The following TRPC6 variants were observed in gnomAD, a reference collection of about 807,000 sequenced individuals.
TRPC6 encodes transient receptor potential cation channel subfamily C member 6.
In TRPC6, 55 loss-of-function variants were observed where a neutral mutation model predicts 90.7. The ratio of observed to expected loss-of-function variants is 0.61; its 90% CI spans 0.49 to 0.76. The LOEUF is 0.76. Among genes scored for constraint, TRPC6 ranks in the 30% least tolerant of loss-of-function variants. The probability of loss-of-function intolerance (pLI) is 0.00; values close to 1 mark genes in which losing one functional copy is unlikely to be tolerated. For synonymous variants in TRPC6, 393 were observed against 393.0 expected (o/e 1.00, Z 0.00); for missense variants, 989 against 1,122.7 (o/e 0.88, Z 1.70).
chr11:101,510,563 T>C (rs771476960), intron 1 of TRPC6, among the ~76,000 whole-genome samples: 2 of 152,200 alleles, frequency 1.3e-5, no homozygotes, highest in Non-Finnish European at 2.9e-5. Flanking sequence ...CATTTTCATG[T>C]CTGTATTTTT....
At chr11:101,483,754 G>A (rs1195231109) in intron 4 of TRPC6, among the ~76,000 whole-genome samples, 1 of 152,178 alleles carries the variant, frequency 6.6e-6, no homozygotes, top group East Asian at 1.9e-4. Flanking sequence ...AAGGACACTG[G>A]ATTTAAAGTC....
chr11:101,580,926 A>G (rs981857398), intron 1 of TRPC6, among the ~76,000 whole-genome samples: 3 of 152,206 alleles, frequency 2.0e-5, no homozygotes, highest in Non-Finnish European at 4.4e-5. Flanking sequence ...GCTCTTTCTC[A>G]TACATCATAG....
chr11:101,500,065 GTATA>G (rs71056617), intron 2 of TRPC6, among the ~76,000 whole-genome samples: 4 of 43,312 alleles, frequency 9.2e-5, no homozygotes, highest in South Asian at 1.0e-3. Context: ...ATGTGTGTGT[GTATA>G]TATATATATA....
intron 1 of TRPC6, among the ~76,000 whole-genome samples, chr11:101,507,489 A>G (rs1318897576): frequency 6.6e-6 from 1 of 151,938 alleles, no homozygotes; most frequent in Admixed American, 6.6e-5. Flanking sequence ...ATCTTCTTTT[A>G]TCTGAGTTGA....
At chr11:101,471,657 CTGAAAAATGCTA>C (rs1307917674) in intron 8 of TRPC6, among the ~76,000 whole-genome samples, 2 of 152,110 alleles carry the variant, frequency 1.3e-5, no homozygotes, top group African/African-American at 4.8e-5. Flanking sequence ...TTCCTACTTT[CTGAAAAATGCTA>C]TGAAAAATTA....
chr11:101,501,983 T>C (rs1860138155), intron 2 of TRPC6, among the ~76,000 whole-genome samples: 1 of 152,194 alleles, frequency 6.6e-6, no homozygotes, highest in Non-Finnish European at 1.5e-5. Context: ...GAAACCTTCA[T>C]AGAGGCAGGG....
chr11:101,473,874 G>C, intron 6 of TRPC6, 101 bp from the exon 7 acceptor site: 3 of 1,540,842 alleles, frequency 1.9e-6, no homozygotes, highest in Middle Eastern at 2.3e-4. Context: ...TTAGAATCCG[G>C]TTTTCGAATG....
At chr11:101,508,373 G>C (rs1249232390) in intron 1 of TRPC6, among the ~76,000 whole-genome samples, 2 of 152,048 alleles carry the variant, frequency 1.3e-5, no homozygotes, top group East Asian at 3.8e-4. Flanking sequence ...TGTTGGTTTT[G>C]GCAAAAGGTG....
At chr11:101,458,687 G>C (rs185657097) in intron 10 of TRPC6, among the ~76,000 whole-genome samples, 3 of 152,326 alleles carry the variant, frequency 2.0e-5, no homozygotes, top group Non-Finnish European at 4.4e-5. Context: ...GACCTTTAGA[G>C]TTAAAGGATA....
At chr11:101,454,789 C>A (rs1858846278) in intron 11 of TRPC6, among the ~76,000 whole-genome samples, 1 of 151,640 alleles carries the variant, frequency 6.6e-6, no homozygotes, top group Non-Finnish European at 1.5e-5. Context: ...TGAACACTCT[C>A]TTTTTTAATG....
chr11:101,563,639 T>G (rs1311026935), intron 1 of TRPC6, among the ~76,000 whole-genome samples: 1 of 151,998 alleles, frequency 6.6e-6, no homozygotes, highest in Non-Finnish European at 1.5e-5. Context: ...TAAAAGTCAG[T>G]ATGAATGGAG....
At chr11:101,471,768 C>T (rs1591066880) in intron 8 of TRPC6, among the ~76,000 whole-genome samples, 1 of 152,152 alleles carries the variant, frequency 6.6e-6, no homozygotes, top group Admixed American at 6.5e-5. Context: ...TTAATCTCAA[C>T]TTGAGAAAAG....
intron 10 of TRPC6, among the ~76,000 whole-genome samples, chr11:101,462,045 G>A (rs1418404686): frequency 6.6e-6 from 1 of 152,200 alleles, no homozygotes; most frequent in Admixed American, 6.5e-5. Flanking sequence ...TGGCTAGCCA[G>A]TTTTCCCATC....
chr11:101,509,131 TTTTTC>T (rs1410648544), intron 1 of TRPC6, among the ~76,000 whole-genome samples: 1 of 137,498 alleles, frequency 7.3e-6, no homozygotes, highest in Non-Finnish European at 1.6e-5. Context: ...TTGTTTTGTC[TTTTTC>T]TTTTTTTTTT....
chr11:101,481,499 T>TA (rs1859550108), intron 5 of TRPC6, among the ~76,000 whole-genome samples: 2 of 67,516 alleles, frequency 3.0e-5, no homozygotes, highest in Non-Finnish European at 7.8e-5. Flanking sequence ...AGTCATAACC[T>TA]AAACTTTAAT....
chr11:101,501,565 T>C (rs1425333884), intron 2 of TRPC6, among the ~76,000 whole-genome samples: 1 of 152,036 alleles, frequency 6.6e-6, no homozygotes. Context: ...CCAGTAGCCA[T>C]GGGTGGTGGG....
At chr11:101,503,804 T>C (rs1860188729) in intron 2 of TRPC6, among the ~76,000 whole-genome samples, 1 of 152,198 alleles carries the variant, frequency 6.6e-6, no homozygotes, top group African/African-American at 2.4e-5. Flanking sequence ...AAAGATTAGA[T>C]ATAATAAATG....
intron 1 of TRPC6, among the ~76,000 whole-genome samples, chr11:101,516,512 T>A (rs1274958820): frequency 2.6e-5 from 4 of 152,204 alleles, no homozygotes; most frequent in Non-Finnish European, 5.9e-5. Context: ...CACTCTCTTA[T>A]TTTTTATAGC....
chr11:101,489,216 A>G (rs1859747439), intron 3 of TRPC6, 115 bp from the exon 4 acceptor site: 1 of 975,384 alleles, frequency 1.0e-6, no homozygotes, highest in African/African-American at 1.6e-5. Context: ...TTAGAATTAA[A>G]GAACAAACAT....
Sources: allele counts gnomAD v4.1 joint callset (sites outside exome capture counted in the v4.1 genomes callset), GRCh38; gene constraint gnomAD v4.1.1; transcripts MANE v1.5; gene names NCBI Gene and HGNC (gene_info 2026-07-23, HGNC 2026-07-21).